TNNI2: variants seen among roughly 807,000 people sequenced by gnomAD.
TNNI2 encodes the protein troponin I, fast skeletal muscle.
Under a neutral mutation model 26.5 loss-of-function variants are expected in TNNI2, and 14 were observed. The observed-to-expected ratio is 0.53, with a 90% confidence interval of 0.35 to 0.83. The LOEUF (loss-of-function observed/expected upper bound fraction) is 0.83, where lower values mean the gene tolerates loss of function less well. Among genes scored for constraint, TNNI2 ranks in the 40% least tolerant of loss-of-function variants. TNNI2 has a pLI of 0.01. For missense variants in TNNI2, 205 were observed against 248.5 expected, an observed-to-expected ratio of 0.82 and a Z score of 1.18; for synonymous variants, 126 against 97.6, an observed-to-expected ratio of 1.29 and a Z score of -1.71.
At position 1,839,696 on chromosome 11, in the gene TNNI2, G is replaced by T. The variant is rs1213950878; in HGVS notation, c.-1G>T. The T allele has an allele frequency of 6.2e-7, 1 of 1,613,658 alleles. No homozygotes were observed. Among genetic ancestry groups the T allele is most frequent in the East Asian group, 2.2e-5 (1 of 44,882 alleles). On this transcript the variant is annotated 5_prime_UTR_variant, in exon 2 of 8. Coordinates refer to ENST00000381911, the MANE Select transcript of TNNI2 (RefSeq NM_003282.4). ...ACAGGCTCCAAGCTCAGGACCTCAG[G>T]ATGGGAGAGTAAGTGGTACCCCTGT...
rs539392163 is a variant in TNNI2 at position 1,839,510 on chromosome 11, A to G, written c.-22-165A>G. On this transcript the variant is annotated intron_variant, in intron 1 of 7. Coordinates refer to ENST00000381911, the MANE Select transcript of TNNI2 (RefSeq NM_003282.4). ...ACTTCTCACCCTGGGGAATTCCAAG[A>G]CATTGTCCTTGAAGGAGGTGAGAGT... The G allele has an allele frequency of 4.8e-3, 3,060 of 643,772 alleles. 5 individuals are homozygous for G. The highest frequency in any genetic ancestry group is 6.3e-3 in the Non-Finnish European group (2,373 of 376,392). 39.9% of individuals were successfully genotyped at this position (643,772 alleles called of 1,614,324 possible). A position where few individuals can be genotyped will look rare whatever the true frequency, so the allele number is the denominator to read the frequency against.
rs981426425 is a variant in TNNI2 at position 1,841,207 on chromosome 11, G to A, written c.453G>A (p.Lys151=). Residue 151 remains lysine, a splice_region_variant and synonymous_variant, in exon 7 of 8, where the codon AAG becomes AAA. Coordinates refer to ENST00000381911, the MANE Select transcript of TNNI2 (RefSeq NM_003282.4). ...LKQVKKEDTE[K]ERDLRDVGDW... is the part of the protein sequence containing the mutation. ...AGGTCAAGAAGGAGGACACAGAGAA[G>A]GTGCGTGCCACGGGGGGAGCACCAC... 8 of 1,611,696 alleles carry A rather than the reference G, an allele frequency of 5.0e-6. No homozygotes were observed. The highest frequency in any genetic ancestry group is 6.8e-6 in the Non-Finnish European group (8 of 1,179,936).
Position 1,840,664 on chromosome 11 carries a change from C to T in TNNI2, c.186+8C>T, listed in dbSNP as rs760340430. ...TCCATGTCTGAAGTGCAGGTACCAG[C>T]CCCTCCCCGGCCACCCCGCCTCCCC... On this transcript the variant is annotated splice_region_variant and intron_variant, in intron 5 of 7. Transcript: ENST00000381911. 2.5e-6 allele frequency: 4 copies of T among 1,612,680 alleles called. No individual in the cohort carries two copies. The East Asian group carries it at 8.9e-5, about 36-fold the overall frequency.
In TNNI2 at chr11:1,841,141, G is replaced by A. The variant is rs139399106; in HGVS notation, c.387G>A (p.Ser129=). ...CCATGCTCAAGGCCCTGCTGGGCTCGAAGCACAAGGTGTGCATGGACCTGA... is the reference window on the plus strand; with the variant it reads ...CCATGCTCAAGGCCCTGCTGGGCTCAAAGCACAAGGTGTGCATGGACCTGA... ...ADAMLKALLG[S]KHKVCMDLRA... The change falls in exon 7 of 8, where the codon TCG becomes TCA. Residue 129 remains serine, a synonymous_variant. Transcript: ENST00000381911. 76 of 1,613,268 alleles carry A rather than the reference G, an allele frequency of 4.7e-5. No individual in the cohort carries two copies. The African/African-American group carries it at 6.8e-4, about 14-fold the overall frequency.
chr11:1,840,694 G>T, intron 5 of TNNI2, 38 bp downstream of exon 5: 5 of 1,612,376 alleles, frequency 3.1e-6, no homozygotes, highest in Non-Finnish European at 4.2e-6. Context: ...CTCCCCAGCA[G>T]CAGGCCTGCC....
chr11:1,840,058 G>A, intron 3 of TNNI2: 2 of 1,061,692 alleles, frequency 1.9e-6, no homozygotes, highest in Non-Finnish European at 2.7e-6. Flanking sequence ...CAGGGGAAGT[G>A]TGGCTGTGGC....
chr11:1,840,130 G>A, intron 3 of TNNI2: 1 of 1,398,468 alleles, frequency 7.2e-7, no homozygotes, highest in Non-Finnish European at 9.8e-7. Flanking sequence ...CACCTCACCG[G>A]CCGACCTGCC....
At position 1,840,821 on chromosome 11, in the gene TNNI2, G is replaced by A. The variant is rs1045161250; in HGVS notation, c.189G>A (p.Glu63=). The part of the protein sequence containing the change: ...HIPGSMSEVQ[E]LCKQLHAKID... ...CCCGCCCCCACACCCACCCCTAGGA[G>A]CTCTGCAAACAGCTGCACGCCAAGA... is the stretch of plus-strand genomic sequence containing the variant. Residue 63 remains glutamate (E), a splice_region_variant and synonymous_variant, in exon 6 of 8, where the codon GAG becomes GAA. Transcript: ENST00000381911. 6.2e-6 allele frequency: 10 copies of A among 1,612,022 alleles called. No individual in the cohort carries two copies. In the African/African-American group the frequency reaches 1.2e-4, roughly 19 times the overall value.
chr11:1,840,260 G>A (rs1402613677), intron 3 of TNNI2, 143 bp from the exon 4 acceptor site: 9 of 1,550,092 alleles, frequency 5.8e-6, no homozygotes, highest in African/African-American at 4.1e-5. Flanking sequence ...GGGAGGCCCA[G>A]CCTGCCCATC....
intron 7 of TNNI2, 104 bp downstream of exon 7, chr11:1,841,311 C>A: frequency 6.5e-7 from 1 of 1,541,406 alleles, no homozygotes; most frequent in Non-Finnish European, 8.9e-7. Context: ...CTGCCGGGGG[C>A]CCTGTACCAC....
In TNNI2 at chr11:1,841,572, C is replaced by T; in HGVS notation, c.*21C>T. ...CCTAGGCCACTCGCTGCCCCTACGC[C>T]TGCCCCGGTGCCCGGCTCCCAGCAG... is the stretch of plus-strand genomic sequence containing the variant. On this transcript the variant is annotated 3_prime_UTR_variant, in exon 8 of 8. Transcript: ENST00000381911. The T allele has an allele frequency of 6.2e-7, 1 of 1,610,744 alleles. No homozygotes were observed. The highest frequency in any genetic ancestry group is 8.5e-7 in the Non-Finnish European group (1 of 1,177,116).
chr11:1,840,439 C>A lies in TNNI2; in HGVS notation c.52C>A (p.Leu18Met). 6.2e-7 allele frequency: 1 copy of A among 1,610,944 alleles called. No homozygotes were observed. The highest frequency in any genetic ancestry group is 8.5e-7 in the Non-Finnish European group (1 of 1,179,602). Residue 18 changes from leucine to methionine, a missense_variant, in exon 4 of 8, where the codon CTG becomes ATG. Coordinates refer to ENST00000381911, the MANE Select transcript of TNNI2 (RefSeq NM_003282.4). ...GGCCATCACGGCCCGCAGGCAGCAC[C>A]TGAAGGTAGGTGTGGGCTCCCGGGG... is the stretch of plus-strand genomic sequence containing the variant. The part of the protein sequence containing the change: ...NRAITARRQH[L>M]KSVMLQIAAT...
intron 7 of TNNI2, 98 bp downstream of exon 7, chr11:1,841,305 CG>C (rs1468713591): frequency 2.6e-6 from 4 of 1,557,608 alleles, no homozygotes; most frequent in Admixed American, 3.5e-5. Flanking sequence ...CCTGCCCTGC[CG>C]GGGGCCCTGT....
At chr11:1,841,290 C>A in intron 7 of TNNI2, 83 bp downstream of exon 7, 1 of 1,575,746 alleles carries the variant, frequency 6.3e-7, no homozygotes, top group Non-Finnish European at 8.6e-7. Flanking sequence ...GGACCACCTC[C>A]CACACCTGCC....
chr11:1,841,479 T>C lies in TNNI2; in HGVS notation c.477T>C (p.Gly159=). ...TEKERDLRDV[G]DWRKNIEEKS... is the part of the protein sequence containing the mutation. The stretch of plus-strand genomic sequence containing the variant: ...AGGAGCGGGACCTGCGAGACGTGGG[T>C]GACTGGAGGAAGAACATCGAGGAGA... Residue 159 remains glycine, a synonymous_variant, in exon 8 of 8, where the codon GGT becomes GGC. Coordinates refer to ENST00000381911, the MANE Select transcript of TNNI2 (RefSeq NM_003282.4). 1.2e-6 allele frequency: 2 copies of C among 1,613,924 alleles called. No individual in the cohort carries two copies. The highest frequency in any genetic ancestry group is 1.7e-6 in the Non-Finnish European group (2 of 1,179,964).
chr11:1,840,699 CCT>C (rs754582420), intron 5 of TNNI2, 43 bp downstream of exon 5: 2 of 1,612,162 alleles, frequency 1.2e-6, no homozygotes, highest in Non-Finnish European at 1.7e-6. Context: ...CAGCAGCAGG[CCT>C]GCCTGCTAAC....
At chr11:1,840,299 G>C in intron 3 of TNNI2, 104 bp from the exon 4 acceptor site, 2 of 1,546,360 alleles carry the variant, frequency 1.3e-6, no homozygotes, top group South Asian at 1.2e-5. Context: ...AGGCTCTGCT[G>C]GTCCCGGAGC....
chr11:1,841,522 C>T lies in TNNI2; in HGVS notation c.520C>T (p.Arg174Trp), dbSNP rs1589797083. 3 of 1,614,078 alleles carry T rather than the reference C, an allele frequency of 1.9e-6. No homozygotes were observed. The highest frequency in any genetic ancestry group is 1.7e-6 in the Non-Finnish European group (2 of 1,179,972). ...CGAGGAGAAGTCTGGCATGGAGGGC[C>T]GGAAGAAGATGTTTGAGTCCGAGTC... The part of the protein sequence containing the change: ...NIEEKSGMEG[R>W]KKMFESES The change falls in exon 8 of 8, where the codon CGG becomes TGG. Residue 174 changes from arginine to tryptophan, a missense_variant. By Grantham distance (101) the Arg-to-Trp change is moderately radical. Transcript: ENST00000381911.
chr11:1,840,045 G>C, intron 3 of TNNI2, 190 bp downstream of exon 3: 1 of 1,068,596 alleles, frequency 9.4e-7, no homozygotes, highest in Non-Finnish European at 1.4e-6. Flanking sequence ...AAGCCTTCTG[G>C]GGCAGGGGAA....
Sources: gnomAD v4.1 joint callset for allele counts on GRCh38, gnomAD v4.1.1 for gene constraint, MANE v1.5 for transcripts, NCBI Gene and HGNC (gene_info 2026-07-23, HGNC 2026-07-21) for gene names.